The following ARHGAP15 variants were observed in gnomAD, a reference collection of about 807,000 sequenced individuals.
ARHGAP15 encodes the protein rho GTPase-activating protein 15.
A neutral mutation model predicts 63.7 loss-of-function variants in ARHGAP15; 51 were observed. The observed-to-expected ratio is 0.80, with a 90% CI of 0.64 to 1.01. ARHGAP15 has a LOEUF of 1.01. ARHGAP15 is among the 50% of genes least tolerant of loss of function. The pLI is 0.00. For synonymous variants in ARHGAP15, 191 were observed against 193.8 expected, an observed-to-expected ratio of 0.99 and a Z score of 0.12; for missense variants, 560 against 564.6, an observed-to-expected ratio of 0.99 and a Z score of 0.08.
chr2:143,275,597 C>A lies in ARHGAP15; in HGVS notation c.474+24997C>A, dbSNP rs1420558569. On this transcript the variant is annotated intron_variant, in intron 6 of 13. Coordinates refer to ENST00000295095, the MANE Select transcript of ARHGAP15 (RefSeq NM_018460.4). ...TACTTACTTGAAAAGATCCAGTGAGCAATTTTTCCTTAAGGCAAGCTTCCT... is the reference window on the plus strand; with the variant it reads ...TACTTACTTGAAAAGATCCAGTGAGAAATTTTTCCTTAAGGCAAGCTTCCT... Among the ~76,000 whole-genome samples the A allele has an allele frequency of 2.6e-5, 4 of 152,158 alleles. No individual in the cohort carries two copies. In the East Asian group the frequency reaches 5.8e-4, roughly 22 times the overall value.
At chr2:143,397,518 G>C (rs1233618179) in intron 6 of ARHGAP15, among the ~76,000 whole-genome samples, 1 of 151,712 alleles carries the variant, frequency 6.6e-6, no homozygotes, top group Non-Finnish European at 1.5e-5. Flanking sequence ...TGATGTATTA[G>C]AGATACTGTG....
chr2:143,365,486 G>T (rs928141130), intron 6 of ARHGAP15, among the ~76,000 whole-genome samples: 1 of 152,130 alleles, frequency 6.6e-6, no homozygotes, highest in Non-Finnish European at 1.5e-5. Context: ...GCACATTGCC[G>T]TAATTGTCAG....
chr2:143,534,823 G>C (rs1694680482), intron 10 of ARHGAP15, among the ~76,000 whole-genome samples: 1 of 151,928 alleles, frequency 6.6e-6, no homozygotes, highest in Non-Finnish European at 1.5e-5. Flanking sequence ...TGAGGCTGCT[G>C]TGAGCTGTGA....
intron 1 of ARHGAP15, among the ~76,000 whole-genome samples, chr2:143,147,069 C>T (rs1052526214): frequency 6.6e-6 from 1 of 152,012 alleles, no homozygotes; most frequent in Non-Finnish European, 1.5e-5. Context: ...AAAGACTTTG[C>T]GACTGGGTCA....
intron 9 of ARHGAP15, among the ~76,000 whole-genome samples, chr2:143,499,219 T>G (rs1347086890): frequency 6.6e-6 from 1 of 152,222 alleles, no homozygotes; most frequent in Non-Finnish European, 1.5e-5. Flanking sequence ...ACTAACTGTC[T>G]GTGTTTGATG....
chr2:143,536,166 T>G (rs1273051281), intron 10 of ARHGAP15, among the ~76,000 whole-genome samples: 8 of 152,200 alleles, frequency 5.3e-5, no homozygotes, highest in Non-Finnish European at 1.2e-4. Context: ...TAATTATAAT[T>G]ATGTATCCTT....
At chr2:143,186,257 T>A (rs1158371177) in intron 2 of ARHGAP15, among the ~76,000 whole-genome samples, 1 of 152,224 alleles carries the variant, frequency 6.6e-6, no homozygotes, top group Non-Finnish European at 1.5e-5. Flanking sequence ...AATCTCGACT[T>A]ATGAAGAGCA....
chr2:143,177,897 T>C (rs754498108), intron 2 of ARHGAP15, among the ~76,000 whole-genome samples: 1 of 152,238 alleles, frequency 6.6e-6, no homozygotes, highest in South Asian at 2.1e-4. Context: ...AAAAATATGC[T>C]ATTTGTGTTA....
At chr2:143,176,537 C>G (rs1691015610) in intron 2 of ARHGAP15, among the ~76,000 whole-genome samples, 1 of 151,862 alleles carries the variant, frequency 6.6e-6, no homozygotes, top group Admixed American at 6.6e-5. Flanking sequence ...TCTTCTCTGT[C>G]ATTTAATATT....
chr2:143,736,546 CAA>C (rs1258715028), intron 13 of ARHGAP15, among the ~76,000 whole-genome samples: 1 of 152,114 alleles, frequency 6.6e-6, no homozygotes, highest in African/African-American at 2.4e-5. Flanking sequence ...TAGTTATAGA[CAA>C]AGTGTAGAAT....
intron 6 of ARHGAP15, among the ~76,000 whole-genome samples, chr2:143,292,359 C>T (rs1371681702): frequency 6.6e-6 from 1 of 152,028 alleles, no homozygotes; most frequent in Non-Finnish European, 1.5e-5. Context: ...GCCAATATTA[C>T]TCAATTATTT....
intron 6 of ARHGAP15, among the ~76,000 whole-genome samples, chr2:143,360,126 C>A (rs1012025962): frequency 6.6e-6 from 1 of 151,820 alleles, no homozygotes; most frequent in Non-Finnish European, 1.5e-5. Context: ...TGCCTGTAAT[C>A]CCAGAACTTT....
chr2:143,236,937 T>C (rs1390115459), intron 5 of ARHGAP15: 1 of 151,802 alleles, frequency 6.6e-6, no homozygotes, highest in Non-Finnish European at 1.5e-5. Flanking sequence ...TGCCTGGGAG[T>C]GAGGAACAGC....
intron 10 of ARHGAP15, among the ~76,000 whole-genome samples, chr2:143,525,174 C>T (rs953847200): frequency 3.3e-5 from 5 of 152,058 alleles, no homozygotes; most frequent in Non-Finnish European, 5.9e-5. Flanking sequence ...GATCCAGGCA[C>T]GCACTAAAGG....
At chr2:143,264,943 TA>T (rs1680915857) in intron 6 of ARHGAP15, among the ~76,000 whole-genome samples, 1 of 152,092 alleles carries the variant, frequency 6.6e-6, no homozygotes, top group African/African-American at 2.4e-5. Flanking sequence ...TCTGGTCATG[TA>T]GCTTTTCTGT....
chr2:143,349,401 AG>A (rs1461238189), intron 6 of ARHGAP15, among the ~76,000 whole-genome samples: 3 of 152,202 alleles, frequency 2.0e-5, no homozygotes, highest in African/African-American at 7.2e-5. Context: ...TCAGTTCCTT[AG>A]GATGAGTGCC....
Position 143,342,938 on chromosome 2 carries a change from AT to A in ARHGAP15, c.474+92339del, listed in dbSNP as rs1371485475. Among the ~76,000 whole-genome samples, 6 of 151,988 alleles carry A rather than the reference AT, an allele frequency of 3.9e-5. No homozygotes were observed. The East Asian group carries it at 1.2e-3, about 29-fold the overall frequency. On this transcript the variant is annotated intron_variant, in intron 6 of 13. Coordinates refer to ENST00000295095, the MANE Select transcript of ARHGAP15 (RefSeq NM_018460.4). ...TAAGAACTTAACACTACCTAACCGC[AT>A]ATATGTGTGTGTGTGTAAATTAGTA...
intron 13 of ARHGAP15, among the ~76,000 whole-genome samples, chr2:143,765,107 A>ATGTGTGTGTG (rs1491302215): frequency 1.8e-5 from 2 of 110,324 alleles, no homozygotes; most frequent in African/African-American, 8.9e-5. Flanking sequence ...TGCCTCTAAA[A>ATGTGTGTGTG]TATGTGTGTG....
chr2:143,167,616 A>G (rs1690597317), intron 2 of ARHGAP15, among the ~76,000 whole-genome samples: 1 of 152,014 alleles, frequency 6.6e-6, no homozygotes, highest in Admixed American at 6.6e-5. Flanking sequence ...CTTGTTCCCC[A>G]AGGTCACCAA....
Sources: allele counts gnomAD v4.1 joint callset (sites outside exome capture counted in the v4.1 genomes callset), GRCh38; gene constraint gnomAD v4.1.1; transcripts MANE v1.5; gene names NCBI Gene and HGNC (gene_info 2026-07-23, HGNC 2026-07-21).